MYOM2: variants seen among roughly 807,000 people sequenced by gnomAD.
The protein encoded by MYOM2 is myomesin-2.
MYOM2 carries 254 observed loss-of-function variants against 187.6 expected under a neutral mutation model. The ratio of observed to expected loss-of-function variants is 1.35; its 90% CI spans 1.22 to 1.50. The LOEUF is 1.50. Among genes scored for constraint, MYOM2 ranks in the 40% most tolerant of loss-of-function variants. The pLI, the probability that MYOM2 is intolerant of heterozygous loss-of-function variation, is 0.00. For synonymous variants in MYOM2, 981 were observed against 753.8 expected (o/e 1.30, Z -4.94); for missense variants, 2,796 against 1,924.0 (o/e 1.45, Z -8.48).
intron 19 of MYOM2, 70 bp downstream of exon 19, chr8:2,099,053 C>T (rs918588778): frequency 1.3e-5 from 20 of 1,482,406 alleles, no homozygotes; most frequent in Admixed American, 4.5e-5. Context: ...TCTGTGGCTG[C>T]GACTCTGGAC....
intron 12 of MYOM2, 65 bp from the exon 13 acceptor site, chr8:2,079,495 A>C (rs995192693): frequency 9.3e-6 from 14 of 1,508,352 alleles, no homozygotes; most frequent in Non-Finnish European, 1.1e-5. Context: ...GCACAGAATG[A>C]GGGAAAACGG....
Position 2,108,786 on chromosome 8 carries a change from A to G in MYOM2, c.2999A>G (p.Glu1000Gly). Residue 1000 changes from glutamate to glycine, a missense_variant and splice_region_variant, in exon 24 of 37, where the codon GAG becomes GGG. By Grantham distance (98) the Glu-to-Gly change is moderately conservative (BLOSUM62 -2). Coordinates refer to ENST00000262113, the MANE Select transcript of MYOM2 (RefSeq NM_003970.4). The stretch of plus-strand genomic sequence containing the variant: ...TTGAAATACTTTTTCTTCGTTTTAG[A>G]GCTCGAGCGTTTGATGGCATTGAGC... ...VSSSFVLDPE[E>G]LERLMALSNE... 6.2e-7 allele frequency: 1 copy of G among 1,613,718 alleles called. No individual in the cohort carries two copies. The highest frequency in any genetic ancestry group is 8.5e-7 in the Non-Finnish European group (1 of 1,179,912).
chr8:2,105,260 T>C (rs139975705), intron 21 of MYOM2, among the ~76,000 whole-genome samples: 1 of 152,268 alleles, frequency 6.6e-6, no homozygotes, highest in Non-Finnish European at 1.5e-5. Flanking sequence ...CCTCTTCATC[T>C]CACCCTGCCA....
chr8:2,075,329 C>T (rs1045569402), intron 10 of MYOM2, among the ~76,000 whole-genome samples: 1 of 152,130 alleles, frequency 6.6e-6, no homozygotes. Flanking sequence ...CGGCTCAAAT[C>T]GCCTTGCTCA....
intron 10 of MYOM2, 84 bp from the exon 11 acceptor site, chr8:2,076,057 G>A: frequency 3.0e-6 from 4 of 1,329,918 alleles, no homozygotes; most frequent in Non-Finnish European, 4.1e-6. Flanking sequence ...GATAGAATTG[G>A]AGCTTGGAGG....
At chr8:2,093,631 C>G (rs117742309) in intron 16 of MYOM2, among the ~76,000 whole-genome samples, 1 of 152,182 alleles carries the variant, frequency 6.6e-6, no homozygotes, top group African/African-American at 2.4e-5. Context: ...GTAATTACTG[C>G]TAATTAAGTT....
chr8:2,142,155 G>A (rs1439572040), intron 34 of MYOM2, among the ~76,000 whole-genome samples: 1 of 152,154 alleles, frequency 6.6e-6, no homozygotes, highest in Non-Finnish European at 1.5e-5. Flanking sequence ...GGATAATAGG[G>A]CATTTTCCAC....
intron 30 of MYOM2, 35 bp downstream of exon 30, chr8:2,123,677 A>G: frequency 6.4e-7 from 1 of 1,570,130 alleles, no homozygotes; most frequent in Non-Finnish European, 8.8e-7. Context: ...GTGAACAAGA[A>G]ATTCCTTTCA....
intron 21 of MYOM2, among the ~76,000 whole-genome samples, chr8:2,104,620 A>C (rs561390710): frequency 3.7e-4 from 56 of 151,804 alleles, no homozygotes; most frequent in African/African-American, 1.3e-3. Context: ...AAAAAAAGAA[A>C]AAAAAAGTTT....
At chr8:2,069,944 G>T (rs1182240417) in intron 8 of MYOM2, among the ~76,000 whole-genome samples, 1 of 151,960 alleles carries the variant, frequency 6.6e-6, no homozygotes, top group Non-Finnish European at 1.5e-5. Context: ...AAAGTCTCTT[G>T]GTCCTTGTAA....
At chr8:2,055,701 G>C (rs1225827173) in intron 3 of MYOM2, among the ~76,000 whole-genome samples, 2 of 152,188 alleles carry the variant, frequency 1.3e-5, no homozygotes, top group Non-Finnish European at 2.9e-5. Flanking sequence ...TCGCTGCTGG[G>C]GAAGCGCTGG....
chr8:2,085,288 C>T lies in MYOM2; in HGVS notation c.1542C>T (p.Pro514=). The T allele has an allele frequency of 6.2e-7, 1 of 1,614,178 alleles. No individual in the cohort carries two copies. Among genetic ancestry groups the T allele is most frequent in the Admixed American group, 1.7e-5 (1 of 60,018 alleles). ...LEGDAQVPGP[P]TGVHASEISR... Reference sequence around the variant, plus strand: ...GTGACGCCCAGGTTCCAGGGCCTCCCACCGGTGTGCACGCTTCCGAGATCA... The same window carrying T: ...GTGACGCCCAGGTTCCAGGGCCTCCTACCGGTGTGCACGCTTCCGAGATCA... Residue 514 remains proline (P), a synonymous_variant, in exon 14 of 37, where the codon CCC becomes CCT. Transcript: ENST00000262113.
chr8:2,066,375 C>T lies in MYOM2; in HGVS notation c.654-2903C>T, dbSNP rs75803577. Among the ~76,000 whole-genome samples the T allele has an allele frequency of 6.0e-4, 92 of 152,320 alleles. 1 individual carries two copies. The East Asian group carries it at 0.016, about 27-fold the overall frequency. ...CCTTGCTCACTTCCATATACTCTGGCATTCGAATCCTTCCAGCGGTGCCTG... is the reference window on the plus strand; with the variant it reads ...CCTTGCTCACTTCCATATACTCTGGTATTCGAATCCTTCCAGCGGTGCCTG... On this transcript the variant is annotated intron_variant, in intron 6 of 36. Coordinates refer to ENST00000262113, the MANE Select transcript of MYOM2 (RefSeq NM_003970.4).
At chr8:2,082,412 C>G (rs564075567) in intron 13 of MYOM2, among the ~76,000 whole-genome samples, 3 of 151,820 alleles carry the variant, frequency 2.0e-5, no homozygotes, top group African/African-American at 7.3e-5. Context: ...TTTCTTTTAC[C>G]ATTGCTTTAG....
chr8:2,115,881 T>C (rs1797223061), intron 25 of MYOM2, 79 bp from the exon 26 acceptor site: 9 of 1,473,496 alleles, frequency 6.1e-6, no homozygotes, highest in Non-Finnish European at 8.3e-6. Context: ...TCATGGCTGA[T>C]GCAATTGTTA....
In MYOM2 at chr8:2,101,018, T is replaced by C. The variant is rs534615691; in HGVS notation, c.2583T>C (p.Thr861=). 6.2e-7 allele frequency: 1 copy of C among 1,614,150 alleles called. No homozygotes were observed. The highest frequency in any genetic ancestry group is 1.3e-5 in the African/African-American group (1 of 75,032). The part of the protein sequence containing the change: ...FREEDAGEWI[T]VNQTTTASRY... ...AGGAGGATGCTGGAGAGTGGATCAC[T>C]GTCAATCAGACGACAACAGCCAGCC... is the stretch of plus-strand genomic sequence containing the variant. Residue 861 remains threonine, a synonymous_variant, in exon 20 of 37, where the codon ACT becomes ACC. Transcript: ENST00000262113.
chr8:2,085,335 G>A lies in MYOM2; in HGVS notation c.1589G>A (p.Ser530Asn), dbSNP rs1289669413. The A allele has an allele frequency of 2.5e-6, 4 of 1,614,110 alleles. No homozygotes were observed. The highest frequency in any genetic ancestry group is 1.3e-5 in the African/African-American group (1 of 75,028). Residue 530 changes from serine (S) to asparagine (N), a missense_variant, in exon 14 of 37, where the codon AGC becomes AAC. Transcript: ENST00000262113. Reference sequence around the variant, plus strand: ...ATCAGCAGAAACTATGTCGTCCTCAGCTGGGAGCCACCCACTCCCCGTGGC... The same window carrying A: ...ATCAGCAGAAACTATGTCGTCCTCAACTGGGAGCCACCCACTCCCCGTGGC... ...SEISRNYVVL[S>N]WEPPTPRGKD...
rs572901199 is a variant in MYOM2, at chr8:2,057,998, G to GTTT, written c.560+254_560+256dup. On this transcript the variant is annotated intron_variant, in intron 5 of 36. Coordinates refer to ENST00000262113, the MANE Select transcript of MYOM2 (RefSeq NM_003970.4). The stretch of plus-strand genomic sequence containing the variant: ...ATTGAGTCAACAAATTTTTCAGAGG[G>GTTT]TTTTTTTTTTTTTTTTTTTTTTTTT... 6.6e-4 allele frequency among the ~76,000 whole-genome samples: 53 copies of GTTT among 80,714 alleles called. 6 individuals are homozygous for GTTT. The highest frequency in any genetic ancestry group is 1.4e-3 in the African/African-American group (29 of 20,836). The allele number at this position is 80,714 out of a possible 152,430, so 53.0% of individuals were successfully genotyped here. A position where few individuals can be genotyped will look rare whatever the true frequency, so the allele number is the denominator to read the frequency against.
At chr8:2,128,746 C>T (rs563937103) in intron 31 of MYOM2, among the ~76,000 whole-genome samples, 3 of 152,304 alleles carry the variant, frequency 2.0e-5, no homozygotes, top group African/African-American at 4.8e-5. Context: ...TAAATCTTAA[C>T]GTCCCTTTTG....
Sources: allele counts gnomAD v4.1 joint callset (sites outside exome capture counted in the v4.1 genomes callset), GRCh38; gene constraint gnomAD v4.1.1; transcripts MANE v1.5; gene names NCBI Gene and HGNC (gene_info 2026-07-23, HGNC 2026-07-21).